The following PHKA2 variants were observed in gnomAD, a reference collection of about 807,000 sequenced individuals.
PHKA2 encodes the protein phosphorylase b kinase regulatory subunit alpha, liver isoform.
In PHKA2, 31 loss-of-function variants were observed where a neutral mutation model predicts 102.0. The observed-to-expected ratio is 0.30, with a 90% CI of 0.23 to 0.41. The LOEUF (loss-of-function observed/expected upper bound fraction) is 0.41, where lower values mean the gene tolerates loss of function less well. Among genes scored for constraint, PHKA2 ranks in the 10% least tolerant of loss-of-function variants. The probability of loss-of-function intolerance (pLI) is 1.00; values close to 1 mark genes in which losing one functional copy is unlikely to be tolerated. For missense variants in PHKA2, 858 were observed against 1,023.1 expected (o/e 0.84, Z 2.20); for synonymous variants, 455 against 416.2 (o/e 1.09, Z -1.13).
intron 1 of PHKA2, among the ~76,000 whole-genome samples, chrX:18,955,005 G>A (rs1238419922): frequency 8.9e-6 from 1 of 112,476 alleles, no homozygotes; most frequent in Non-Finnish European, 1.9e-5. Context: ...GGGCAACTGA[G>A]TCACTAAAAA....
Position 18,910,877 on chromosome X carries a change from C to A in PHKA2, c.2221G>T (p.Glu741Ter). 8.6e-7 allele frequency: 1 copy of A among 1,167,219 alleles called. No individual in the cohort carries two copies. The highest frequency in any genetic ancestry group is 2.2e-5 in the Admixed American group (1 of 45,603). Reference sequence around the variant, plus strand: ...AGCTGTTCCATATACTTTACCTTTTCTAGGAGTGGCTGAGGAGAATCAACA... The same window carrying A: ...AGCTGTTCCATATACTTTACCTTTTATAGGAGTGGCTGAGGAGAATCAACA... The part of the protein sequence containing the change: ...NLVDSPQPLL[E>*]KVPESDFQWP... Residue 741 changes from glutamate to a stop codon, truncating the protein, a stop_gained, in exon 20 of 33, where the codon GAA (glutamate) becomes TAA (stop). Transcript: ENST00000379942. LOFTEE classifies it high-confidence loss of function.
At chrX:18,930,454 C>T (rs562805100) in intron 12 of PHKA2, among the ~76,000 whole-genome samples, 46 of 110,595 alleles carry the variant, frequency 4.2e-4, no homozygotes, top group Admixed American at 4.1e-3. Flanking sequence ...CTGGACCTAG[C>T]GCTGGGCCCA....
At chrX:18,898,277 AG>A (rs1300778223) in intron 29 of PHKA2, 8 of 112,549 alleles carry the variant, frequency 7.1e-5, no homozygotes, top group Non-Finnish European at 1.1e-4. Context: ...CAGGCTCCAG[AG>A]GGGGACACTG....
intron 19 of PHKA2, among the ~76,000 whole-genome samples, chrX:18,914,707 C>A (rs1359920611): frequency 8.9e-6 from 1 of 112,290 alleles, no homozygotes; most frequent in Non-Finnish European, 1.9e-5. Flanking sequence ...ATTAGCACAT[C>A]TGAAGGCGTA....
At chrX:18,897,411 C>A (rs1307265934) in intron 29 of PHKA2, 78 bp from the exon 30 acceptor site, 1 of 982,900 alleles carries the variant, frequency 1.0e-6, no homozygotes. Context: ...CGAAGGGCGG[C>A]CCTGCGACCT....
chrX:18,901,214 C>T (rs909954610), intron 27 of PHKA2, among the ~76,000 whole-genome samples: 1 of 110,740 alleles, frequency 9.0e-6, no homozygotes, highest in African/African-American at 3.3e-5. Flanking sequence ...GAGTGGTTCT[C>T]GGGAACAGAG....
At chrX:18,957,033 G>C (rs187782390) in intron 1 of PHKA2, among the ~76,000 whole-genome samples, 1 of 112,344 alleles carries the variant, frequency 8.9e-6, no homozygotes, top group Non-Finnish European at 1.9e-5. Flanking sequence ...CTCCCAAGTA[G>C]CTGGGATTAC....
chrX:18,927,268 G>A (rs930358030), intron 13 of PHKA2, among the ~76,000 whole-genome samples: 2 of 112,311 alleles, frequency 1.8e-5, no homozygotes, highest in African/African-American at 6.5e-5. Context: ...TTGTGCCTGG[G>A]ACCTGGGGGC....
intron 13 of PHKA2, 147 bp downstream of exon 13, chrX:18,929,081 T>C (rs1278351256): frequency 2.1e-6 from 1 of 478,610 alleles, no homozygotes; most frequent in African/African-American, 2.4e-5. Context: ...CACTGAGTTA[T>C]ATAAGGCATC....
chrX:18,955,294 C>A (rs6633173), intron 1 of PHKA2, among the ~76,000 whole-genome samples: 17,716 of 109,844 alleles, frequency 0.16, 3,212 homozygotes, highest in African/African-American at 0.53. Context: ...GAAAAAGCAA[C>A]GCTATAGAGA....
At chrX:18,950,773 G>A (rs1211386307) in intron 4 of PHKA2, among the ~76,000 whole-genome samples, 1 of 112,115 alleles carries the variant, frequency 8.9e-6, no homozygotes, top group Non-Finnish European at 1.9e-5. Flanking sequence ...ATCCTACATG[G>A]GATGAAGGCT....
At chrX:18,977,933 G>A (rs1239998291) in intron 1 of PHKA2, among the ~76,000 whole-genome samples, 2 of 112,030 alleles carry the variant, frequency 1.8e-5, no homozygotes, top group Admixed American at 9.5e-5. Flanking sequence ...AGGCCGAGGC[G>A]GGCAGATCAC....
At chrX:18,947,518 C>T (rs895959036) in intron 5 of PHKA2, among the ~76,000 whole-genome samples, 5 of 112,553 alleles carry the variant, frequency 4.4e-5, no homozygotes, top group Non-Finnish European at 9.4e-5. Context: ...TCCCAGCTCC[C>T]ACCAAGGTGC....
chrX:18,913,915 G>C (rs1237051157), intron 19 of PHKA2, among the ~76,000 whole-genome samples: 1 of 112,119 alleles, frequency 8.9e-6, no homozygotes, highest in African/African-American at 3.2e-5. Flanking sequence ...CATCTCCTAA[G>C]ATAACAATGC....
intron 1 of PHKA2, among the ~76,000 whole-genome samples, chrX:18,980,444 C>CCA (rs1220983713): frequency 2.7e-5 from 3 of 112,838 alleles, no homozygotes; most frequent in Admixed American, 9.3e-5. Context: ...TGGCAGGAGG[C>CCA]GAGATATGCT....
intron 1 of PHKA2, among the ~76,000 whole-genome samples, chrX:18,959,733 G>A (rs183199992): frequency 1.1e-3 from 118 of 111,332 alleles, no homozygotes; most frequent in African/African-American, 3.8e-3. Context: ...TATATCAGGT[G>A]ACCTGATGTA....
chrX:18,969,235 T>C (rs142242920), intron 1 of PHKA2, among the ~76,000 whole-genome samples: 94 of 112,034 alleles, frequency 8.4e-4, no homozygotes, highest in African/African-American at 2.7e-3. Context: ...TTGCTCATTT[T>C]TGAGAAAATG....
intron 8 of PHKA2, among the ~76,000 whole-genome samples, chrX:18,940,551 C>T (rs923437430): frequency 8.9e-6 from 1 of 111,937 alleles, no homozygotes; most frequent in Non-Finnish European, 1.9e-5. Context: ...TTAGGACTGT[C>T]GCTGCTGGTT....
chrX:18,931,825 T>C lies in PHKA2; in HGVS notation c.1138-77A>G, dbSNP rs765872684. On this transcript the variant is annotated intron_variant, in intron 11 of 32. Coordinates refer to ENST00000379942, the MANE Select transcript of PHKA2 (RefSeq NM_000292.3). ...TGATACCTGACCATGGGGAATGCAC[T>C]GAGGATTTATGAAATGGTACTCATC... The C allele has an allele frequency of 4.4e-6, 3 of 686,623 alleles. No individual in the cohort carries two copies. The African/African-American group carries it at 6.3e-5, about 14-fold the overall frequency. 56.6% of individuals were successfully genotyped at this position (686,623 alleles called of 1,213,427 possible). A position where few individuals can be genotyped will look rare whatever the true frequency, so the allele number is the denominator to read the frequency against.
Sources: allele counts gnomAD v4.1 joint callset (sites outside exome capture counted in the v4.1 genomes callset), GRCh38; gene constraint gnomAD v4.1.1; transcripts MANE v1.5; gene names NCBI Gene and HGNC (gene_info 2026-07-23, HGNC 2026-07-21).